The following ZSWIM6 variants were observed in gnomAD, a reference collection of about 807,000 sequenced individuals.
ZSWIM6 encodes zinc finger SWIM-type containing 6, also known as zinc finger SWIM domain-containing protein 6.
A neutral mutation model predicts 113.2 loss-of-function variants in ZSWIM6; 9 were observed. That is an observed-to-expected ratio of 0.08 (90% confidence interval 0.05 to 0.14). The LOEUF (loss-of-function observed/expected upper bound fraction) is 0.14. Ranked by LOEUF, ZSWIM6 falls within the 10% of genes least tolerant of loss-of-function variation. The pLI, the probability that ZSWIM6 is intolerant of heterozygous loss-of-function variation, is 1.00. For synonymous variants in ZSWIM6, 611 were observed against 606.5 expected, an observed-to-expected ratio of 1.01 and a Z score of -0.11; for missense variants, 1,162 against 1,552.2, an observed-to-expected ratio of 0.75 and a Z score of 4.22.
chr5:61,428,296 G>C (rs948744859), intron 1 of ZSWIM6, among the ~76,000 whole-genome samples: 1 of 152,124 alleles, frequency 6.6e-6, no homozygotes. Context: ...GCCTGCTTTG[G>C]TTCTCTTAAC....
chr5:61,514,739 TTCCTTTTCTGA>T (rs1748885568), intron 4 of ZSWIM6, among the ~76,000 whole-genome samples: 1 of 152,186 alleles, frequency 6.6e-6, no homozygotes, highest in Non-Finnish European at 1.5e-5. Flanking sequence ...GTTGTGTATT[TTCCTTTTCTGA>T]TATTGCTTAA....
chr5:61,472,937 A>T lies in ZSWIM6; in HGVS notation c.933A>T (p.Val311=), dbSNP rs1366769677. The change falls in exon 2 of 14, where the codon GTA becomes GTT. Residue 311 remains valine (V), a synonymous_variant. Transcript: ENST00000252744. The surrounding 1 kb of genome is among the most constrained non-coding windows in gnomAD (Gnocchi z 4.1). The stretch of plus-strand genomic sequence containing the variant: ...ATAGAGACCAACTGCAAAAGTTTGT[A>T]CAGTATTTGATCACAGTGCACCACA... The part of the protein sequence containing the change: ...QMNRDQLQKF[V]QYLITVHHTE... 6.4e-7 allele frequency: 1 copy of T among 1,551,684 alleles called. No homozygotes were observed. Among genetic ancestry groups the T allele is most frequent in the Admixed American group, 2.0e-5 (1 of 51,008 alleles).
intron 1 of ZSWIM6, among the ~76,000 whole-genome samples, chr5:61,456,571 T>G (rs1354851458): frequency 6.6e-6 from 1 of 152,196 alleles, no homozygotes; most frequent in African/African-American, 2.4e-5. Flanking sequence ...CCACAAGAAA[T>G]GATTCTCTTA....
At chr5:61,464,569 G>T (rs902842519) in intron 1 of ZSWIM6, among the ~76,000 whole-genome samples, 2 of 152,052 alleles carry the variant, frequency 1.3e-5, no homozygotes, top group African/African-American at 4.8e-5. Flanking sequence ...CATTAGGAAT[G>T]GTTAGCGCCA....
intron 1 of ZSWIM6, among the ~76,000 whole-genome samples, chr5:61,389,855 A>G (rs1745667852): frequency 6.6e-6 from 1 of 152,196 alleles, no homozygotes. Flanking sequence ...TGTGCTGTAT[A>G]TGCATGAGCC....
chr5:61,372,575 G>A (rs1230334103), intron 1 of ZSWIM6, among the ~76,000 whole-genome samples: 1 of 152,072 alleles, frequency 6.6e-6, no homozygotes, highest in African/African-American at 2.4e-5. Flanking sequence ...TCTTAGTTAA[G>A]CCACCTTCCT....
chr5:61,370,111 AGAACTT>A (rs1469369091), intron 1 of ZSWIM6, among the ~76,000 whole-genome samples: 2 of 152,258 alleles, frequency 1.3e-5, no homozygotes, highest in Non-Finnish European at 2.9e-5. Flanking sequence ...TCTGTACAAA[AGAACTT>A]GAACTACATC....
At chr5:61,432,323 C>A (rs377003515) in intron 1 of ZSWIM6, among the ~76,000 whole-genome samples, 12 of 152,152 alleles carry the variant, frequency 7.9e-5, no homozygotes, top group African/African-American at 2.2e-4. Context: ...GCTTGTAAGC[C>A]AAGCCACAGA....
At chr5:61,510,975 C>T (rs2112244799) in intron 4 of ZSWIM6, among the ~76,000 whole-genome samples, 1 of 152,130 alleles carries the variant, frequency 6.6e-6, no homozygotes, top group East Asian at 1.9e-4. Context: ...TTTAAAGCTA[C>T]AAATGTTTCA....
At chr5:61,431,003 T>G (rs998155694) in intron 1 of ZSWIM6, among the ~76,000 whole-genome samples, 3 of 152,184 alleles carry the variant, frequency 2.0e-5, no homozygotes, top group African/African-American at 7.2e-5. Context: ...TATACAGTCA[T>G]TACTGGTGTT....
chr5:61,517,770 ATTATTTAATTAT>A lies in ZSWIM6; in HGVS notation c.1334-3485_1334-3474del, dbSNP rs1748990742. On this transcript the variant is annotated intron_variant, in intron 4 of 13. Coordinates refer to ENST00000252744, the MANE Select transcript of ZSWIM6 (RefSeq NM_020928.2). ...GAAATCCTCAGGAGATTTTTTTTTA[ATTATTTAATTAT>A]TTATTTATTTATTTATTTATTATTA... 2.7e-5 allele frequency among the ~76,000 whole-genome samples: 4 copies of A among 149,918 alleles called. No homozygotes were observed. In the South Asian group the frequency reaches 8.4e-4, roughly 31 times the overall value.
rs941973927 is a variant in ZSWIM6 at position 61,506,580 on chromosome 5, GA to G, written c.1333+12182del. On this transcript the variant is annotated intron_variant, in intron 4 of 13. Transcript: ENST00000252744. ...CAGAGTGAGACTCTGTCTCCAAAAA[GA>G]AAAAAAAAAAAGTTATTTTCCAAAC... Among the ~76,000 whole-genome samples the G allele has an allele frequency of 9.0e-3, 1,249 of 139,056 alleles. 8 individuals are homozygous for G. Among genetic ancestry groups the G allele is most frequent in the African/African-American group, 0.023 (875 of 38,048 alleles). 91.2% of individuals were successfully genotyped at this position (139,056 alleles called of 152,430 possible).
At chr5:61,493,026 A>T (rs1748221508) in intron 3 of ZSWIM6, among the ~76,000 whole-genome samples, 1 of 152,070 alleles carries the variant, frequency 6.6e-6, no homozygotes, top group Non-Finnish European at 1.5e-5. Context: ...AAGTGGATGG[A>T]TTCATTTAGG....
At chr5:61,347,232 A>G (rs974035404) in intron 1 of ZSWIM6, 3 of 170,148 alleles carry the variant, frequency 1.8e-5, no homozygotes, top group Non-Finnish European at 2.6e-5. Context: ...CGTGTTGTGC[A>G]AGAACAGGAA....
At chr5:61,375,348 A>G (rs1745349937) in intron 1 of ZSWIM6, 2 of 1,603,800 alleles carry the variant, frequency 1.2e-6, no homozygotes, top group African/African-American at 1.3e-5. Flanking sequence ...ACAGAGAGAA[A>G]TTGTTAAGTG....
chr5:61,371,711 C>T (rs1745265683), intron 1 of ZSWIM6, among the ~76,000 whole-genome samples: 1 of 152,094 alleles, frequency 6.6e-6, no homozygotes, highest in Non-Finnish European at 1.5e-5. Context: ...TGCCTCAGGG[C>T]AGAACCATTA....
chr5:61,358,532 T>C (rs1744968455), intron 1 of ZSWIM6, among the ~76,000 whole-genome samples: 2 of 152,238 alleles, frequency 1.3e-5, no homozygotes, highest in Admixed American at 1.3e-4. Context: ...AATCTAATAT[T>C]TACGAATACA....
intron 1 of ZSWIM6, among the ~76,000 whole-genome samples, chr5:61,359,399 C>T (rs138899924): frequency 1.1e-3 from 174 of 152,150 alleles, no homozygotes; most frequent in African/African-American, 3.8e-3. Context: ...GTGATCTGAC[C>T]GCTCTCCTCC....
chr5:61,449,567 A>G (rs1747041058), intron 1 of ZSWIM6, among the ~76,000 whole-genome samples: 1 of 152,116 alleles, frequency 6.6e-6, no homozygotes, highest in South Asian at 2.1e-4. Flanking sequence ...CTAGGTTTGA[A>G]TAAGGCCATA....
Sources: gnomAD v4.1 joint callset for allele counts (sites outside exome capture counted in the v4.1 genomes callset) on GRCh38, gnomAD v4.1.1 for gene constraint, Gnocchi (gnomAD v3.1) non-coding constraint, MANE v1.5 for transcripts, NCBI Gene and HGNC (gene_info 2026-07-23, HGNC 2026-07-21) for gene names.